Variants in UBASH3B observed in about 807,000 individuals in gnomAD.
UBASH3B encodes the protein ubiquitin-associated and SH3 domain-containing protein B.
Under a neutral mutation model 83.4 loss-of-function variants are expected in UBASH3B, and 37 were observed. The ratio of observed to expected loss-of-function variants is 0.44; its 90% CI spans 0.34 to 0.58. The LOEUF (loss-of-function observed/expected upper bound fraction) is 0.58. UBASH3B is among the 20% of genes least tolerant of loss of function. The pLI is 0.01. For synonymous variants in UBASH3B, 304 were observed against 318.3 expected (o/e 0.96, Z 0.48); for missense variants, 657 against 827.2 (o/e 0.79, Z 2.52).
At chr11:122,742,452 A>G (rs1017143875) in intron 1 of UBASH3B, among the ~76,000 whole-genome samples, 6 of 152,178 alleles carry the variant, frequency 3.9e-5, no homozygotes, top group Non-Finnish European at 5.9e-5. Context: ...TGTAAAACCT[A>G]AAAGGAAGAG....
At chr11:122,682,626 C>T (rs1003410272) in intron 1 of UBASH3B, among the ~76,000 whole-genome samples, 1 of 152,128 alleles carries the variant, frequency 6.6e-6, no homozygotes, top group African/African-American at 2.4e-5. Context: ...AATTAGGACA[C>T]TAGGGGCCAG....
At chr11:122,762,074 G>T (rs917813877) in intron 1 of UBASH3B, among the ~76,000 whole-genome samples, 2 of 151,976 alleles carry the variant, frequency 1.3e-5, no homozygotes, top group Non-Finnish European at 2.9e-5. Context: ...TTACAGGCGT[G>T]AGCCACCGCG....
chr11:122,664,153 CT>C (rs1863483542), intron 1 of UBASH3B, among the ~76,000 whole-genome samples: 2 of 152,174 alleles, frequency 1.3e-5, no homozygotes, highest in African/African-American at 4.8e-5. Context: ...ATTCTGCTCT[CT>C]GTGCTTCTCT....
rs115214378 is a variant in UBASH3B, at chr11:122,747,607, A to G, written c.162-28612A>G. Reference sequence around the variant, plus strand: ...GGGATAACATATTATAAACAATAGCATCTGCAGCTGGAGTGATGTTGGGTG... The same window carrying G: ...GGGATAACATATTATAAACAATAGCGTCTGCAGCTGGAGTGATGTTGGGTG... On this transcript the variant is annotated intron_variant, in intron 1 of 13. Coordinates refer to ENST00000284273, the MANE Select transcript of UBASH3B (RefSeq NM_032873.5). 3.5e-3 allele frequency among the ~76,000 whole-genome samples: 534 copies of G among 152,316 alleles called. 7 individuals carry two copies. The highest frequency in any genetic ancestry group is 0.011 in the African/African-American group (467 of 41,578).
At position 122,812,857 on chromosome 11, in the gene UBASH3B, C is replaced by T. The variant is rs1232693619; in HGVS notation, c.*2971C>T. Reference sequence around the variant, plus strand: ...TTTTCCCAGGCTCTCTTCACCATCACTGCATTGGTAGCTAGGAGCTTATTG... The same window carrying T: ...TTTTCCCAGGCTCTCTTCACCATCATTGCATTGGTAGCTAGGAGCTTATTG... On this transcript the variant is annotated 3_prime_UTR_variant, in exon 14 of 14. Transcript: ENST00000284273. 2 of 152,322 alleles carry T rather than the reference C, an allele frequency of 1.3e-5. No individual in the cohort carries two copies. The highest frequency in any genetic ancestry group is 2.9e-5 in the Non-Finnish European group (2 of 68,020). The allele number at this position is 152,322 out of a possible 1,614,324, so 9.4% of individuals were successfully genotyped here.
intron 1 of UBASH3B, among the ~76,000 whole-genome samples, chr11:122,748,423 G>A (rs2135965871): frequency 6.6e-6 from 1 of 152,222 alleles, no homozygotes; most frequent in Admixed American, 6.5e-5. Context: ...CCCTATAGAC[G>A]GGCACGCGCC....
At chr11:122,809,354 C>T (rs149941280) in intron 13 of UBASH3B, among the ~76,000 whole-genome samples, 88 of 152,334 alleles carry the variant, frequency 5.8e-4, no homozygotes, top group Middle Eastern at 3.4e-3. Context: ...GGATTACAGG[C>T]GTGAGCCACT....
At chr11:122,786,237 G>A (rs1860949789) in intron 5 of UBASH3B, among the ~76,000 whole-genome samples, 1 of 151,910 alleles carries the variant, frequency 6.6e-6, no homozygotes, top group African/African-American at 2.4e-5. Context: ...TTTTAGTAGA[G>A]ACAGGGTTTC....
At chr11:122,738,251 A>G (rs751747686) in intron 1 of UBASH3B, among the ~76,000 whole-genome samples, 1 of 152,246 alleles carries the variant, frequency 6.6e-6, no homozygotes, top group African/African-American at 2.4e-5. Context: ...GTGTCTTAAT[A>G]CATGTGCAGT....
At chr11:122,731,967 C>T (rs1378783502) in intron 1 of UBASH3B, among the ~76,000 whole-genome samples, 1 of 151,394 alleles carries the variant, frequency 6.6e-6, no homozygotes, top group Non-Finnish European at 1.5e-5. Flanking sequence ...ATGTGCATAC[C>T]CTGGAGCCTA....
At chr11:122,796,830 T>G in intron 8 of UBASH3B, 81 bp from the exon 9 acceptor site, 4 of 1,591,488 alleles carry the variant, frequency 2.5e-6, no homozygotes, top group Non-Finnish European at 3.4e-6. Flanking sequence ...GGAATGGGGG[T>G]GGAGAGTGTC....
chr11:122,699,142 G>T (rs538139030), intron 1 of UBASH3B, among the ~76,000 whole-genome samples: 7 of 152,222 alleles, frequency 4.6e-5, no homozygotes, highest in Non-Finnish European at 1.0e-4. Flanking sequence ...GAGCCACTGC[G>T]CCCGGATTGG....
chr11:122,801,890 G>A (rs1363984676), intron 11 of UBASH3B, among the ~76,000 whole-genome samples: 1 of 152,166 alleles, frequency 6.6e-6, no homozygotes. Context: ...CACATGTCCA[G>A]CACCATGCAA....
At position 122,656,019 on chromosome 11, in the gene UBASH3B, T is replaced by G. The variant is rs1239842400; in HGVS notation, c.-31T>G. 1.4e-5 allele frequency: 21 copies of G among 1,518,284 alleles called. No homozygotes were observed. In the Middle Eastern group the frequency reaches 7.7e-4, roughly 55 times the overall value. The allele number at this position is 1,518,284 out of a possible 1,614,324, so 94.1% of individuals were successfully genotyped here. On this transcript the variant is annotated 5_prime_UTR_variant, in exon 1 of 14. Coordinates refer to ENST00000284273, the MANE Select transcript of UBASH3B (RefSeq NM_032873.5). The stretch of plus-strand genomic sequence containing the variant: ...CCTTCCCGAACCATCCGGCTCGGGC[T>G]CCTTCCCTGGCGATGGCTGGCCGCT...
At chr11:122,685,218 CTTCT>C (rs1863794554) in intron 1 of UBASH3B, among the ~76,000 whole-genome samples, 1 of 152,106 alleles carries the variant, frequency 6.6e-6, no homozygotes, top group African/African-American at 2.4e-5. Flanking sequence ...CCTTGTTTTT[CTTCT>C]TTATTTGCTT....
intron 1 of UBASH3B, among the ~76,000 whole-genome samples, chr11:122,717,058 A>G (rs1283151516): frequency 6.6e-6 from 1 of 152,220 alleles, no homozygotes; most frequent in Non-Finnish European, 1.5e-5. Flanking sequence ...CTAGCAGCTC[A>G]GGATCAGGAC....
intron 1 of UBASH3B, among the ~76,000 whole-genome samples, chr11:122,767,606 C>T (rs967805723): frequency 2.6e-5 from 4 of 152,208 alleles, no homozygotes; most frequent in East Asian, 1.9e-4. Flanking sequence ...CCACCACGCC[C>T]GGCCCCTTAT....
rs150624943 is a variant in UBASH3B at position 122,808,122 on chromosome 11, A to T, written c.1758A>T (p.Gln586His). Residue 586 changes from glutamine to histidine, a missense_variant, in exon 13 of 14, where the codon CAA (glutamine) becomes CAT (histidine). Physicochemically the swap from Gln to His is conservative, Grantham distance 24. Coordinates refer to ENST00000284273, the MANE Select transcript of UBASH3B (RefSeq NM_032873.5). ...HASSLEACTC[Q>H]LQGLSPQNSK... ...CTTCCCTTGAAGCGTGTACCTGCCA[A>T]CTTCAGGGCCTGTCACCTCAGAACT... The T allele has an allele frequency of 9.3e-6, 15 of 1,614,032 alleles. No homozygotes were observed. Among genetic ancestry groups the T allele is most frequent in the Non-Finnish European group, 1.3e-5 (15 of 1,180,018 alleles).
intron 1 of UBASH3B, among the ~76,000 whole-genome samples, chr11:122,743,918 G>T (rs1861068367): frequency 6.6e-6 from 1 of 152,204 alleles, no homozygotes; most frequent in South Asian, 2.1e-4. Context: ...GAAAACCCCT[G>T]GCGAGGAAGA....
Sources: allele counts gnomAD v4.1 joint callset (sites outside exome capture counted in the v4.1 genomes callset), GRCh38; gene constraint gnomAD v4.1.1; transcripts MANE v1.5; gene names NCBI Gene and HGNC (gene_info 2026-07-23, HGNC 2026-07-21).